The following PCDHGB1 variants were observed in gnomAD, a reference collection of about 807,000 sequenced individuals.
PCDHGB1 encodes the protein protocadherin gamma-B1.
A neutral mutation model predicts 56.6 loss-of-function variants in PCDHGB1; 34 were observed. The ratio of observed to expected loss-of-function variants is 0.60; its 90% CI spans 0.46 to 0.80. PCDHGB1 has a LOEUF of 0.80. Among genes scored for constraint, PCDHGB1 ranks in the 30% least tolerant of loss-of-function variants. PCDHGB1 has a pLI of 0.00. For synonymous variants in PCDHGB1, 561 were observed against 505.9 expected (o/e 1.11, Z -1.46); for missense variants, 1,278 against 1,204.6 (o/e 1.06, Z -0.90).
chr5:141,359,973 A>C, intron 1 of PCDHGB1: 1 of 703,560 alleles, frequency 1.4e-6, no homozygotes, highest in Non-Finnish European at 2.1e-6. Flanking sequence ...AGCGTTTGGG[A>C]GCCTCTTAGA....
At chr5:141,417,648 T>A in intron 1 of PCDHGB1, 5 of 818,672 alleles carry the variant, frequency 6.1e-6, no homozygotes, top group Non-Finnish European at 9.1e-6. Flanking sequence ...TCCCTCAGCC[T>A]CTAGCCTGGG....
chr5:141,367,840 G>A (rs1011519474), intron 1 of PCDHGB1: 3 of 151,982 alleles, frequency 2.0e-5, no homozygotes, highest in Admixed American at 2.0e-4. Flanking sequence ...AATACCTACT[G>A]CAATGTTAGC....
At chr5:141,375,200 G>A (rs755732164) in intron 1 of PCDHGB1, 3 of 1,613,940 alleles carry the variant, frequency 1.9e-6, no homozygotes, top group South Asian at 1.1e-5. Context: ...TCAAGTGTTC[G>A]ATCGAGACTC....
chr5:141,360,157 T>A (rs185682995), intron 1 of PCDHGB1: 3 of 1,603,412 alleles, frequency 1.9e-6, no homozygotes, highest in African/African-American at 1.3e-5. Flanking sequence ...CTCAGGGAGG[T>A]GCGGGCTGGT....
intron 1 of PCDHGB1, chr5:141,362,094 A>G (rs749569389): frequency 6.2e-7 from 1 of 1,613,384 alleles, no homozygotes; most frequent in East Asian, 2.2e-5. Context: ...GACAGCCGCC[A>G]CTCTCCGCTA....
intron 1 of PCDHGB1, among the ~76,000 whole-genome samples, chr5:141,352,959 G>C (rs1759153169): frequency 6.6e-6 from 1 of 152,182 alleles, no homozygotes; most frequent in Non-Finnish European, 1.5e-5. Context: ...CTGCACTCCA[G>C]CCTGGGTGAT....
At chr5:141,364,591 G>T (rs754833725) in intron 1 of PCDHGB1, 3 of 1,614,194 alleles carry the variant, frequency 1.9e-6, no homozygotes, top group South Asian at 1.1e-5. Context: ...TGGTCACCGC[G>T]GGCAGGATAG....
intron 1 of PCDHGB1, chr5:141,366,296 G>A (rs776172631): frequency 6.2e-6 from 10 of 1,613,616 alleles, no homozygotes; most frequent in African/African-American, 2.7e-5. Flanking sequence ...CCCTCTGTCA[G>A]CCACCTTCAC....
intron 1 of PCDHGB1, chr5:141,362,040 G>A (rs760170186): frequency 3.1e-6 from 5 of 1,610,444 alleles, no homozygotes; most frequent in Non-Finnish European, 3.4e-6. Flanking sequence ...TGGGCGACAG[G>A]GACGCGGCCC....
intron 1 of PCDHGB1, among the ~76,000 whole-genome samples, chr5:141,459,747 A>G (rs553965181): frequency 3.2e-4 from 48 of 152,318 alleles, no homozygotes; most frequent in African/African-American, 1.1e-3. Flanking sequence ...AATTTTAGCA[A>G]TTCTAGTGGG....
chr5:141,477,059 A>T lies in PCDHGB1; in HGVS notation c.2410-17748A>T. The T allele has an allele frequency of 6.2e-7, 1 of 1,614,238 alleles. No homozygotes were observed. Among genetic ancestry groups the T allele is most frequent in the Non-Finnish European group, 8.5e-7 (1 of 1,180,036 alleles). ...CAAGGGTCGGCTGGACTTCGAGGAC[A>T]CCAAACTCCATGAGATTTACATCCA... On this transcript the variant is annotated intron_variant, in intron 1 of 3. Transcript: ENST00000523390. The surrounding 1 kb of genome is among the most constrained non-coding windows in gnomAD (Gnocchi z 4.9).
chr5:141,476,754 T>G lies in PCDHGB1; in HGVS notation c.2410-18053T>G. 1 of 1,613,926 alleles carries G rather than the reference T, an allele frequency of 6.2e-7. No individual in the cohort carries two copies. The highest frequency in any genetic ancestry group is 1.1e-5 in the South Asian group (1 of 91,084). On this transcript the variant is annotated intron_variant, in intron 1 of 3. Coordinates refer to ENST00000523390, the MANE Select transcript of PCDHGB1 (RefSeq NM_018922.3). The surrounding 1 kb of genome is among the most constrained non-coding windows in gnomAD (Gnocchi z 7.6). Reference sequence around the variant, plus strand: ...GAACGGGAGCCTAGTCTCCAGTTAGTGCTGACGGCGTTGGACGGAGGGACC... The same window carrying G: ...GAACGGGAGCCTAGTCTCCAGTTAGGGCTGACGGCGTTGGACGGAGGGACC...
intron 1 of PCDHGB1, chr5:141,393,474 C>T (rs773609499): frequency 6.2e-7 from 1 of 1,613,926 alleles, no homozygotes; most frequent in African/African-American, 1.3e-5. Context: ...CGGCAAGCCG[C>T]CTCGCTCTAG....
chr5:141,478,135 C>T (rs1307702473), intron 1 of PCDHGB1: 7 of 1,613,970 alleles, frequency 4.3e-6, no homozygotes, highest in African/African-American at 1.3e-5. Flanking sequence ...CTCCTGAAGC[C>T]CGAGCCGAGT....
chr5:141,464,515 A>C (rs969421973), intron 1 of PCDHGB1, among the ~76,000 whole-genome samples: 4 of 152,028 alleles, frequency 2.6e-5, no homozygotes, highest in Non-Finnish European at 4.4e-5. Flanking sequence ...CATAAGGTAA[A>C]GGCATATGTA....
intron 1 of PCDHGB1, chr5:141,410,011 G>T (rs2095347816): frequency 6.2e-7 from 1 of 1,613,184 alleles, no homozygotes; most frequent in South Asian, 1.1e-5. Context: ...ACAACGCCTG[G>T]CTGTCCTACC....
chr5:141,490,454 C>T lies in PCDHGB1; in HGVS notation c.2410-4353C>T. The T allele has an allele frequency of 3.1e-6, 5 of 1,614,176 alleles. No homozygotes were observed. The highest frequency in any genetic ancestry group is 4.2e-6 in the Non-Finnish European group (5 of 1,180,020). On this transcript the variant is annotated intron_variant, in intron 1 of 3. Transcript: ENST00000523390. The surrounding 1 kb of genome is among the most constrained non-coding windows in gnomAD (Gnocchi z 5.4). The stretch of plus-strand genomic sequence containing the variant: ...ATTAAGCCTTCTGAGAACCACTACT[C>T]GCTGCTAACCAGCCAGCCTTTGGAC...
chr5:141,414,236 C>T, intron 1 of PCDHGB1: 1 of 1,613,456 alleles, frequency 6.2e-7, no homozygotes. Flanking sequence ...CTGACCATCA[C>T]GTCTCTATTT....
chr5:141,409,129 T>G (rs781711972), intron 1 of PCDHGB1: 5 of 1,613,856 alleles, frequency 3.1e-6, no homozygotes, highest in Non-Finnish European at 4.2e-6. Flanking sequence ...CATTTGATTT[T>G]GAAGATGTAG....
Sources: allele counts gnomAD v4.1 joint callset (sites outside exome capture counted in the v4.1 genomes callset), GRCh38; gene constraint gnomAD v4.1.1; non-coding constraint Gnocchi (gnomAD v3.1); transcripts MANE v1.5; gene names NCBI Gene and HGNC (gene_info 2026-07-23, HGNC 2026-07-21).